DNAH2: variants seen among roughly 807,000 people sequenced by gnomAD.
DNAH2 encodes axonemal beta dynein heavy chain 2.
A neutral mutation model predicts 523.5 loss-of-function variants in DNAH2; 323 were observed. The ratio of observed to expected loss-of-function variants is 0.62; its 90% CI spans 0.56 to 0.68. DNAH2 has a LOEUF of 0.68. DNAH2 is among the 30% of genes least tolerant of loss of function. The pLI is 0.00. For missense variants in DNAH2, 4,907 were observed against 5,701.5 expected, an observed-to-expected ratio of 0.86 and a Z score of 4.49; for synonymous variants, 2,093 against 2,177.4, an observed-to-expected ratio of 0.96 and a Z score of 1.08.
chr17:7,809,617 T>C (rs1028836953), intron 63 of DNAH2, among the ~76,000 whole-genome samples: 1 of 152,114 alleles, frequency 6.6e-6, no homozygotes, highest in African/African-American at 2.4e-5. Context: ...GCTAAATAAT[T>C]AGGAGTGGTT....
intron 77 of DNAH2, among the ~76,000 whole-genome samples, 195 bp from the exon 78 acceptor site, chr17:7,830,105 T>A (rs2078127392): frequency 6.6e-6 from 1 of 151,338 alleles, no homozygotes; most frequent in African/African-American, 2.4e-5. Context: ...TATCTGTGAA[T>A]TAGAGAAAGG....
rs770491195 is a variant in DNAH2 at position 7,818,714 on chromosome 17, A to G, written c.10608A>G (p.Ser3536=). The G allele has an allele frequency of 1.7e-5, 28 of 1,613,938 alleles. No individual in the cohort carries two copies. In the Admixed American group the frequency reaches 4.2e-4, roughly 24 times the overall value. Residue 3536 remains serine (S), a synonymous_variant, in exon 70 of 86, where the codon TCA becomes TCG. Transcript: ENST00000572933. ...CTGAGCTGGAGGAGCAGAAGGACTC[A>G]CTGGTCATCAACATCGCGGCTGGTA... ...ERPELEEQKD[S]LVINIAAGKR...
chr17:7,788,491 G>A (rs1304311840), intron 44 of DNAH2, among the ~76,000 whole-genome samples: 1 of 152,070 alleles, frequency 6.6e-6, no homozygotes, highest in East Asian at 1.9e-4. Flanking sequence ...GTACACAATG[G>A]GATCTCACTA....
Position 7,786,808 on chromosome 17 carries a change from G to A in DNAH2, c.6467-89G>A, listed in dbSNP as rs1567696735. 1 of 1,605,160 alleles carries A rather than the reference G, an allele frequency of 6.2e-7. No homozygotes were observed. The highest frequency in any genetic ancestry group is 8.5e-7 in the Non-Finnish European group (1 of 1,173,752). On this transcript the variant is annotated intron_variant, in intron 41 of 85. Transcript: ENST00000572933. The surrounding 1 kb of genome is among the most constrained non-coding windows in gnomAD (Gnocchi z 7.5). ...TGCCTGGGGAATGCTGAAGTACAAG[G>A]GAGTGTAGGCTTGTGTCTCCGAGGA...
Position 7,789,398 on chromosome 17 carries a change from G to A in DNAH2, c.6900+1154G>A, listed in dbSNP as rs922415416. Among the ~76,000 whole-genome samples the A allele has an allele frequency of 2.0e-5, 3 of 152,128 alleles. No individual in the cohort carries two copies. The South Asian group carries it at 6.2e-4, about 32-fold the overall frequency. On this transcript the variant is annotated intron_variant, in intron 44 of 85. Coordinates refer to ENST00000572933, the MANE Select transcript of DNAH2 (RefSeq NM_020877.5). ...GGTCTGTAGCCGGATGTGGTGGGTG[G>A]TGTTTTTGTGTAGATGCGCTTCAGC...
Position 7,776,894 on chromosome 17 carries a change from G to A in DNAH2, c.5058+5G>A. ...AAGGTCATGAAGAAGAACCAGGTGAGAGGCTGGGCGCACTGGCTCATGCTT... is the reference window on the plus strand; with the variant it reads ...AAGGTCATGAAGAAGAACCAGGTGAAAGGCTGGGCGCACTGGCTCATGCTT... On this transcript the variant is annotated splice_donor_5th_base_variant and intron_variant, in intron 32 of 85. Transcript: ENST00000572933. The A allele has an allele frequency of 6.2e-7, 1 of 1,606,896 alleles. No individual in the cohort carries two copies. The highest frequency in any genetic ancestry group is 8.5e-7 in the Non-Finnish European group (1 of 1,175,204).
At chr17:7,724,102 A>G (rs2074717507) in intron 3 of DNAH2, among the ~76,000 whole-genome samples, 1 of 152,194 alleles carries the variant, frequency 6.6e-6, no homozygotes, top group South Asian at 2.1e-4. Flanking sequence ...AGTCACTTTG[A>G]GAAATGGCAC....
At chr17:7,745,859 CCTT>C (rs1022605838) in intron 12 of DNAH2, among the ~76,000 whole-genome samples, 2 of 152,066 alleles carry the variant, frequency 1.3e-5, no homozygotes, top group Admixed American at 1.3e-4. Flanking sequence ...GTGGCTACCT[CCTT>C]CTACTCGCCA....
intron 11 of DNAH2, 60 bp from the exon 12 acceptor site, chr17:7,742,868 T>C: frequency 8.1e-7 from 1 of 1,232,818 alleles, no homozygotes; most frequent in Non-Finnish European, 1.1e-6. Flanking sequence ...CTCAGGGAGA[T>C]GGTGGCCCCT....
intron 18 of DNAH2, among the ~76,000 whole-genome samples, chr17:7,761,457 T>G (rs974834388): frequency 2.0e-5 from 3 of 152,028 alleles, no homozygotes; most frequent in African/African-American, 7.2e-5. Context: ...TAAAATTTTT[T>G]GTAGAGATTC....
At chr17:7,781,234 G>A in intron 39 of DNAH2, 67 bp downstream of exon 39, 1 of 1,586,008 alleles carries the variant, frequency 6.3e-7, no homozygotes, top group Non-Finnish European at 8.6e-7. Context: ...CAGCACTTTG[G>A]GAGGCCGAGG....
rs757826944 is a variant in DNAH2, at chr17:7,801,838, C to T, written c.8833-40C>T. ...GCACTCCCAGCCTCTCTCCCACTTC[C>T]GTTTCCATCTGCCTTTTCATCCTGT... On this transcript the variant is annotated intron_variant, in intron 57 of 85. Transcript: ENST00000572933. 63 of 1,613,408 alleles carry T rather than the reference C, an allele frequency of 3.9e-5. 1 individual carries two copies. The highest frequency in any genetic ancestry group is 3.0e-4 in the Admixed American group (18 of 59,978).
rs933089212 is a variant in DNAH2 at position 7,807,875 on chromosome 17, C to T, written c.9729+289C>T. 1.3e-5 allele frequency among the ~76,000 whole-genome samples: 2 copies of T among 152,178 alleles called. No individual in the cohort carries two copies. Among genetic ancestry groups the T allele is most frequent in the African/African-American group, 4.8e-5 (2 of 41,436 alleles). ...TCTCTGTCACACCCTTCGGAGATGGCGCCTGAGATATTAACTGATGACATC... is the reference window on the plus strand; with the variant it reads ...TCTCTGTCACACCCTTCGGAGATGGTGCCTGAGATATTAACTGATGACATC... On this transcript the variant is annotated intron_variant, in intron 63 of 85. Coordinates refer to ENST00000572933, the MANE Select transcript of DNAH2 (RefSeq NM_020877.5). The surrounding 1 kb of genome is among the most constrained non-coding windows in gnomAD (Gnocchi z 5.6).
In DNAH2 at chr17:7,807,285, C is replaced by T. The variant is rs765817094; in HGVS notation, c.9578C>T (p.Ala3193Val). ...ATCATCGGCCGCGTCTCCCTGGCTG[C>T]CAAGTCCCTCTGCATGTGGGTGCGG... The part of the protein sequence containing the change: ...PDIIGRVSLA[A>V]KSLCMWVRAM... The change falls in exon 62 of 86, where the codon GCC becomes GTC. Residue 3193 changes from alanine (A) to valine (V), a missense_variant. Ala to Val is a moderately conservative substitution (Grantham distance 64). Around this residue, in one of 3 missense-constraint regions of DNAH2, gnomAD observed 1,851 missense variants for 2,139.4 expected, o/e 0.87. Transcript: ENST00000572933. The surrounding 1 kb of genome is among the most constrained non-coding windows in gnomAD (Gnocchi z 5.6). The T allele has an allele frequency of 6.2e-7, 1 of 1,613,756 alleles. No homozygotes were observed. Among genetic ancestry groups the T allele is most frequent in the Non-Finnish European group, 8.5e-7 (1 of 1,180,010 alleles).
intron 8 of DNAH2, 58 bp downstream of exon 8, chr17:7,737,316 A>G (rs1429046172): frequency 2.6e-6 from 4 of 1,558,818 alleles, no homozygotes; most frequent in Non-Finnish European, 3.5e-6. Context: ...GGTTTTCTGA[A>G]GCAGGGGGAA....
At chr17:7,751,920 G>GGTGT (rs1555544367) in intron 12 of DNAH2, among the ~76,000 whole-genome samples, 7,160 of 145,798 alleles carry the variant, frequency 0.049, 211 homozygotes, top group African/African-American at 0.061. Flanking sequence ...ATAGTTGTGG[G>GGTGT]GTGTGTGTGT....
chr17:7,786,346 C>T lies in DNAH2; in HGVS notation c.6348+4C>T, dbSNP rs375186895. The T allele has an allele frequency of 8.9e-5, 144 of 1,610,430 alleles. No homozygotes were observed. The highest frequency in any genetic ancestry group is 6.6e-4 in the Middle Eastern group (4 of 6,060). ...CCCTAACTTCAACATTGTTAGAGTACGGGGCTGGGACAGTGGAGTCAGTGG... is the reference window on the plus strand; with the variant it reads ...CCCTAACTTCAACATTGTTAGAGTATGGGGCTGGGACAGTGGAGTCAGTGG... On this transcript the variant is annotated splice_donor_region_variant and intron_variant, in intron 40 of 85. Transcript: ENST00000572933. This position sits in a 1 kb window ranked among gnomAD's most constrained non-coding sequence, Gnocchi z 7.5.
intron 7 of DNAH2, 97 bp downstream of exon 7, chr17:7,734,805 T>C: frequency 7.6e-7 from 1 of 1,310,716 alleles, no homozygotes; most frequent in Non-Finnish European, 1.1e-6. Flanking sequence ...CAAGGCAATC[T>C]TCGATAGCAC....
intron 77 of DNAH2, among the ~76,000 whole-genome samples, chr17:7,830,070 G>A (rs1396175894): frequency 6.6e-6 from 1 of 151,770 alleles, no homozygotes; most frequent in Non-Finnish European, 1.5e-5. Flanking sequence ...AAGAAGGCAG[G>A]GCTGCCGCAA....
Sources: gnomAD v4.1 joint callset for allele counts (sites outside exome capture counted in the v4.1 genomes callset) on GRCh38, gnomAD v4.1.1 for gene constraint, gnomAD v4.1.1 regional missense constraint, Gnocchi (gnomAD v3.1) non-coding constraint, MANE v1.5 for transcripts, NCBI Gene and HGNC (gene_info 2026-07-23, HGNC 2026-07-21) for gene names.